Variants in AGPAT4 observed in about 807,000 individuals in gnomAD.
AGPAT4 encodes the protein 1-acylglycerol-3-phosphate O-acyltransferase 4, also known as 1-acyl-sn-glycerol-3-phosphate acyltransferase delta.
Under a neutral mutation model 48.0 loss-of-function variants are expected in AGPAT4, and 15 were observed. The ratio of observed to expected loss-of-function variants is 0.31; its 90% CI spans 0.21 to 0.48. The LOEUF is 0.48. Ranked by LOEUF, AGPAT4 falls within the 20% of genes least tolerant of loss-of-function variation. The probability of loss-of-function intolerance (pLI) is 0.99; values close to 1 mark genes in which losing one functional copy is unlikely to be tolerated. For missense variants in AGPAT4, 314 were observed against 482.5 expected (o/e 0.65, Z 3.27); for synonymous variants, 178 against 198.7 (o/e 0.90, Z 0.88).
In AGPAT4 at chr6:161,197,655, C is replaced by T. The variant is rs900517267; in HGVS notation, c.179-31238G>A. 2.0e-5 allele frequency among the ~76,000 whole-genome samples: 3 copies of T among 152,134 alleles called. No homozygotes were observed. The highest frequency in any genetic ancestry group is 1.3e-4 in the Admixed American group (2 of 15,274). On this transcript the variant is annotated intron_variant, in intron 2 of 8. Coordinates refer to ENST00000320285, the MANE Select transcript of AGPAT4 (RefSeq NM_020133.3). This position sits in a 1 kb window ranked among gnomAD's most constrained non-coding sequence, Gnocchi z 5.7. ...TTCCCTGCTGTTCCTAACCTAGAGC[C>T]GTTGTCTTGCAGGAGCTCCTAGAAG...
intron 2 of AGPAT4, among the ~76,000 whole-genome samples, chr6:161,213,308 A>T (rs1781566152): frequency 1.3e-5 from 2 of 152,268 alleles, no homozygotes; most frequent in Non-Finnish European, 2.9e-5. Flanking sequence ...GGCCAAGTAT[A>T]ATAAAGCAAA....
chr6:161,170,401 C>G (rs923492138), intron 2 of AGPAT4, among the ~76,000 whole-genome samples: 10 of 151,992 alleles, frequency 6.6e-5, no homozygotes, highest in Non-Finnish European at 2.9e-5. Flanking sequence ...CCATTATGAA[C>G]AGTTTGGAAA....
intron 1 of AGPAT4, among the ~76,000 whole-genome samples, chr6:161,263,642 T>C: frequency 6.6e-6 from 1 of 152,164 alleles, no homozygotes; most frequent in East Asian, 1.9e-4. Context: ...TCTCTGGTCC[T>C]CTCCCCCGAC....
rs1377966143 is a variant in AGPAT4 at position 161,231,761 on chromosome 6, G to A, written c.178+275C>T. ...AACTAAGAAATCATTAATACTGATT[G>A]GTTCTGAGGAGAACTAAAGAAACTA... On this transcript the variant is annotated intron_variant, in intron 2 of 8. Transcript: ENST00000320285. The surrounding 1 kb of genome is among the most constrained non-coding windows in gnomAD (Gnocchi z 5.3). 1.3e-5 allele frequency among the ~76,000 whole-genome samples: 2 copies of A among 152,058 alleles called. No homozygotes were observed. The highest frequency in any genetic ancestry group is 2.9e-5 in the Non-Finnish European group (2 of 68,004).
rs553146295 is a variant in AGPAT4 at position 161,243,439 on chromosome 6, G to A, written c.-89-11137C>T. Among the ~76,000 whole-genome samples the A allele has an allele frequency of 3.0e-4, 45 of 152,276 alleles. No individual in the cohort carries two copies. The highest frequency in any genetic ancestry group is 1.0e-3 in the African/African-American group (43 of 41,566). ...AACGTGGTCAGGACTGGCAGCTCACGTCAGAGCCTCGGCCATCCTGCGCAC... is the reference window on the plus strand; with the variant it reads ...AACGTGGTCAGGACTGGCAGCTCACATCAGAGCCTCGGCCATCCTGCGCAC... On this transcript the variant is annotated intron_variant, in intron 1 of 8. Coordinates refer to ENST00000320285, the MANE Select transcript of AGPAT4 (RefSeq NM_020133.3). The surrounding 1 kb of genome is among the most constrained non-coding windows in gnomAD (Gnocchi z 4.8).
rs997688097 is a variant in AGPAT4, at chr6:161,169,367, G to A, written c.179-2950C>T. On this transcript the variant is annotated intron_variant, in intron 2 of 8. Transcript: ENST00000320285. This position sits in a 1 kb window ranked among gnomAD's most constrained non-coding sequence, Gnocchi z 5.0. ...AGAGGGGATGGTGCTGGGACCAGGT[G>A]GGGGAAGACCAAATTTCCCACTCAC... Among the ~76,000 whole-genome samples the A allele has an allele frequency of 6.6e-6, 1 of 152,184 alleles. No homozygotes were observed. Among genetic ancestry groups the A allele is most frequent in the Admixed American group, 6.5e-5 (1 of 15,290 alleles).
chr6:161,211,202 T>C (rs548210890), intron 2 of AGPAT4, among the ~76,000 whole-genome samples: 236 of 152,336 alleles, frequency 1.5e-3, no homozygotes, highest in African/African-American at 5.4e-3. Context: ...GTAAATGTTA[T>C]AGGATAAATA....
In AGPAT4 at chr6:161,164,731, C is replaced by T. The variant is rs1376933335; in HGVS notation, c.348+1517G>A. 6.6e-6 allele frequency among the ~76,000 whole-genome samples: 1 copy of T among 152,170 alleles called. No homozygotes were observed. The highest frequency in any genetic ancestry group is 2.4e-5 in the African/African-American group (1 of 41,438). ...AGGTGAACAGCACACGGAGTGAGCTCGTGGGTGTAATGCCACCAAGGGGCA... is the reference window on the plus strand; with the variant it reads ...AGGTGAACAGCACACGGAGTGAGCTTGTGGGTGTAATGCCACCAAGGGGCA... On this transcript the variant is annotated intron_variant, in intron 3 of 8. Transcript: ENST00000320285. The surrounding 1 kb of genome is among the most constrained non-coding windows in gnomAD (Gnocchi z 7.4).
chr6:161,261,974 T>C lies in AGPAT4; in HGVS notation c.-90+11964A>G, dbSNP rs1398467315. Among the ~76,000 whole-genome samples, 1 of 152,082 alleles carries C rather than the reference T, an allele frequency of 6.6e-6. No homozygotes were observed. On this transcript the variant is annotated intron_variant, in intron 1 of 8. Transcript: ENST00000320285. The surrounding 1 kb of genome is among the most constrained non-coding windows in gnomAD (Gnocchi z 5.3). ...ACCCCCAGGCTCCCCATCTGTGAAA[T>C]GGAGATAAGAAGAGTTCCTAGTCGA...
rs914182305 is a variant in AGPAT4, at chr6:161,147,500, T to G, written c.768-901A>C. Among the ~76,000 whole-genome samples, 3 of 152,174 alleles carry G rather than the reference T, an allele frequency of 2.0e-5. No homozygotes were observed. ...CCTAAGAATATCTTAGTAAGAAGAT[T>G]TGAGAGTTTATCTATCACACTAGAG... On this transcript the variant is annotated intron_variant, in intron 6 of 8. Transcript: ENST00000320285. The surrounding 1 kb of genome is among the most constrained non-coding windows in gnomAD (Gnocchi z 4.8).
At position 161,154,912 on chromosome 6, in the gene AGPAT4, C is replaced by T. The variant is rs1198502811; in HGVS notation, c.349-602G>A. On this transcript the variant is annotated intron_variant, in intron 3 of 8. Coordinates refer to ENST00000320285, the MANE Select transcript of AGPAT4 (RefSeq NM_020133.3). This position sits in a 1 kb window ranked among gnomAD's most constrained non-coding sequence, Gnocchi z 7.8. ...TGCTGAGCTCTGCAGTTGAGGCAAA[C>T]AGGAGTCTCCGCTCACAGAGCAGGC... 1.3e-5 allele frequency among the ~76,000 whole-genome samples: 2 copies of T among 152,240 alleles called. No individual in the cohort carries two copies. The highest frequency in any genetic ancestry group is 4.8e-5 in the African/African-American group (2 of 41,468).
rs963215175 is a variant in AGPAT4 at position 161,272,039 on chromosome 6, T to C, written c.-90+1899A>G. On this transcript the variant is annotated intron_variant, in intron 1 of 8. Coordinates refer to ENST00000320285, the MANE Select transcript of AGPAT4 (RefSeq NM_020133.3). This position sits in a 1 kb window ranked among gnomAD's most constrained non-coding sequence, Gnocchi z 4.2. ...TTTAGTAATACTTTTCTGTGTGTTA[T>C]GCCCTTTAAATAGTTCTCGTCTTTA... Among the ~76,000 whole-genome samples, 4 of 152,246 alleles carry C rather than the reference T, an allele frequency of 2.6e-5. No individual in the cohort carries two copies. Among genetic ancestry groups the C allele is most frequent in the African/African-American group, 9.6e-5 (4 of 41,466 alleles).
intron 1 of AGPAT4, among the ~76,000 whole-genome samples, chr6:161,239,992 C>T (rs1782434957): frequency 6.6e-6 from 1 of 151,954 alleles, no homozygotes; most frequent in Admixed American, 6.6e-5. Context: ...AAATTAGAAA[C>T]AATTTGTATT....
rs1255849831 is a variant in AGPAT4 at position 161,231,543 on chromosome 6, G to A, written c.178+493C>T. Reference sequence around the variant, plus strand: ...GAATTTCTCAGTATTATTTGTTACAGCTTCATGTGAATCTATTATCTCAAA... The same window carrying A: ...GAATTTCTCAGTATTATTTGTTACAACTTCATGTGAATCTATTATCTCAAA... On this transcript the variant is annotated intron_variant, in intron 2 of 8. Coordinates refer to ENST00000320285, the MANE Select transcript of AGPAT4 (RefSeq NM_020133.3). This position sits in a 1 kb window ranked among gnomAD's most constrained non-coding sequence, Gnocchi z 5.3. 6.6e-6 allele frequency among the ~76,000 whole-genome samples: 1 copy of A among 152,010 alleles called. No individual in the cohort carries two copies. The highest frequency in any genetic ancestry group is 1.9e-4 in the East Asian group (1 of 5,186).
intron 2 of AGPAT4, among the ~76,000 whole-genome samples, chr6:161,203,125 TG>T (rs1250441336): frequency 6.6e-6 from 1 of 152,192 alleles, no homozygotes; most frequent in Non-Finnish European, 1.5e-5. Context: ...CTGTAATTCA[TG>T]GGGTCATTTG....
At position 161,149,511 on chromosome 6, in the gene AGPAT4, G is replaced by A. The variant is rs1779528199; in HGVS notation, c.665-222C>T. The stretch of plus-strand genomic sequence containing the variant: ...CTAGAACTTAGTAATAGAAAACAGG[G>A]TCATTGCTGAAGTCAGATCATTTTT... On this transcript the variant is annotated intron_variant, in intron 5 of 8. Transcript: ENST00000320285. This position sits in a 1 kb window ranked among gnomAD's most constrained non-coding sequence, Gnocchi z 6.5. 6.6e-6 allele frequency among the ~76,000 whole-genome samples: 1 copy of A among 152,046 alleles called. No individual in the cohort carries two copies. Among genetic ancestry groups the A allele is most frequent in the Admixed American group, 6.6e-5 (1 of 15,254 alleles).
In AGPAT4 at chr6:161,242,990, G is replaced by A. The variant is rs958684988; in HGVS notation, c.-89-10688C>T. On this transcript the variant is annotated intron_variant, in intron 1 of 8. Transcript: ENST00000320285. The surrounding 1 kb of genome is among the most constrained non-coding windows in gnomAD (Gnocchi z 5.0). The stretch of plus-strand genomic sequence containing the variant: ...AAGCAGGAGAATTGATTGAACCCAG[G>A]AGGTGGAGGTTGCAGTGAGTGGAGA... Among the ~76,000 whole-genome samples the A allele has an allele frequency of 7.9e-5, 12 of 152,258 alleles. No individual in the cohort carries two copies. Among genetic ancestry groups the A allele is most frequent in the Admixed American group, 7.2e-4 (11 of 15,300 alleles).
rs115128483 is a variant in AGPAT4, at chr6:161,199,613, A to G, written c.178+32423T>C. Among the ~76,000 whole-genome samples, 982 of 152,212 alleles carry G rather than the reference A, an allele frequency of 6.5e-3. 12 individuals carry two copies. Among genetic ancestry groups the G allele is most frequent in the African/African-American group, 0.023 (945 of 41,540 alleles). ...ATCTCATGTGGAACTGTAATCCCCAATGTTGGGGGAGGGGCCGGTGAGAGG... is the reference window on the plus strand; with the variant it reads ...ATCTCATGTGGAACTGTAATCCCCAGTGTTGGGGGAGGGGCCGGTGAGAGG... On this transcript the variant is annotated intron_variant, in intron 2 of 8. Coordinates refer to ENST00000320285, the MANE Select transcript of AGPAT4 (RefSeq NM_020133.3).
rs1347582893 is a variant in AGPAT4, at chr6:161,266,437, G to T, written c.-90+7501C>A. Among the ~76,000 whole-genome samples, 1 of 152,206 alleles carries T rather than the reference G, an allele frequency of 6.6e-6. No homozygotes were observed. Among genetic ancestry groups the T allele is most frequent in the Non-Finnish European group, 1.5e-5 (1 of 68,038 alleles). ...ATGCCATGAATGAGCACCCAGTGCA[G>T]TTATGAAGAGAGGACTGTAATCATT... On this transcript the variant is annotated intron_variant, in intron 1 of 8. Coordinates refer to ENST00000320285, the MANE Select transcript of AGPAT4 (RefSeq NM_020133.3). The surrounding 1 kb of genome is among the most constrained non-coding windows in gnomAD (Gnocchi z 6.2).
Sources: gnomAD v4.1 joint callset for allele counts (sites outside exome capture counted in the v4.1 genomes callset) on GRCh38, gnomAD v4.1.1 for gene constraint, Gnocchi (gnomAD v3.1) non-coding constraint, MANE v1.5 for transcripts, NCBI Gene and HGNC (gene_info 2026-07-23, HGNC 2026-07-21) for gene names.